Variants in GGNBP2 observed in about 807,000 individuals in gnomAD.
GGNBP2 encodes gametogenetin-binding protein 2.
In GGNBP2, 10 loss-of-function variants were observed where a neutral mutation model predicts 85.9. The observed-to-expected ratio is 0.12, with a 90% CI of 0.07 to 0.20. The LOEUF is 0.20. Among genes scored for constraint, GGNBP2 ranks in the 10% least tolerant of loss-of-function variants. The probability of loss-of-function intolerance (pLI) is 1.00; values close to 1 mark genes in which losing one functional copy is unlikely to be tolerated. For synonymous variants in GGNBP2, 287 were observed against 285.7 expected, an observed-to-expected ratio of 1.00 and a Z score of -0.05; for missense variants, 595 against 857.8, an observed-to-expected ratio of 0.69 and a Z score of 3.83.
intron 5 of GGNBP2, among the ~76,000 whole-genome samples, chr17:36,566,085 G>C (rs1204622128): frequency 6.6e-6 from 1 of 152,176 alleles, no homozygotes; most frequent in Non-Finnish European, 1.5e-5. Context: ...TAGCTACATA[G>C]AGTAAGTTAA....
At chr17:36,554,727 C>G in intron 2 of GGNBP2, 93 bp from the exon 3 acceptor site, 2 of 856,232 alleles carry the variant, frequency 2.3e-6, no homozygotes, top group Non-Finnish European at 4.0e-6. Context: ...GGGTGCAAAT[C>G]TGGCTTTCAC....
intron 8 of GGNBP2, among the ~76,000 whole-genome samples, chr17:36,580,628 C>G (rs2074638739): frequency 1.3e-5 from 2 of 151,888 alleles, no homozygotes. Context: ...TGTTAAAATT[C>G]TGAAATTTAG....
chr17:36,573,841 G>A (rs146967541), intron 6 of GGNBP2, among the ~76,000 whole-genome samples: 7 of 152,106 alleles, frequency 4.6e-5, no homozygotes, highest in Non-Finnish European at 7.4e-5. Flanking sequence ...GAGAAATGTC[G>A]ATTCATGCTT....
chr17:36,569,967 G>A (rs1252787515), intron 6 of GGNBP2, among the ~76,000 whole-genome samples: 1 of 152,222 alleles, frequency 6.6e-6, no homozygotes, highest in Admixed American at 6.5e-5. Flanking sequence ...ATGGTTGAGA[G>A]TAATAATAAT....
intron 4 of GGNBP2, 78 bp from the exon 5 acceptor site, chr17:36,560,695 C>T: frequency 2.4e-6 from 2 of 839,806 alleles, no homozygotes; most frequent in South Asian, 1.9e-5. Flanking sequence ...AGACTTCTCT[C>T]TAAAAGACAG....
intron 2 of GGNBP2, among the ~76,000 whole-genome samples, chr17:36,548,254 T>C (rs1048383516): frequency 9.2e-5 from 14 of 152,348 alleles, no homozygotes; most frequent in African/African-American, 2.9e-4. Context: ...GCTGAAACTT[T>C]ACCCTTAGTT....
intron 6 of GGNBP2, chr17:36,574,713 G>A: frequency 4.7e-6 from 3 of 635,236 alleles, no homozygotes; most frequent in East Asian, 2.7e-5. Flanking sequence ...AGCTTCTTGG[G>A]TACAGGCACT....
intron 6 of GGNBP2, chr17:36,576,581 AAAAATAT>A (rs2074587122): frequency 3.7e-5 from 1 of 27,070 alleles, no homozygotes; most frequent in African/African-American, 1.0e-4. Flanking sequence ...AAAAAAAAAA[AAAAATAT>A]ATATATATGT....
At chr17:36,567,226 G>C (rs989435639) in intron 5 of GGNBP2, among the ~76,000 whole-genome samples, 1 of 151,938 alleles carries the variant, frequency 6.6e-6, no homozygotes, top group Non-Finnish European at 1.5e-5. Flanking sequence ...TTGTTAAATT[G>C]TATCAGATAA....
intron 8 of GGNBP2, 77 bp downstream of exon 8, chr17:36,579,496 G>T: frequency 8.1e-7 from 1 of 1,230,398 alleles, no homozygotes; most frequent in South Asian, 1.3e-5. Context: ...TAAGCCACCA[G>T]TGCCTAAAAG....
At chr17:36,566,231 T>C (rs1161375665) in intron 5 of GGNBP2, among the ~76,000 whole-genome samples, 1 of 152,136 alleles carries the variant, frequency 6.6e-6, no homozygotes, top group African/African-American at 2.4e-5. Context: ...TTGAATGGAG[T>C]GTAAACCCAC....
In GGNBP2 at chr17:36,560,878, A is replaced by C. The variant is rs898816969; in HGVS notation, c.527+7A>C. ...ACAAGCCAAAACCTTTGGGGTAAGT[A>C]GAATTGAATACCAAGAGGCTTTGTC... On this transcript the variant is annotated splice_region_variant and intron_variant, in intron 5 of 13. Transcript: ENST00000613102. 2 of 1,382,942 alleles carry C rather than the reference A, an allele frequency of 1.4e-6. No homozygotes were observed. The highest frequency in any genetic ancestry group is 3.6e-4 in the Middle Eastern group (2 of 5,500). The allele number at this position is 1,382,942 out of a possible 1,614,324, so 85.7% of individuals were successfully genotyped here. A position where few individuals can be genotyped will look rare whatever the true frequency, so the allele number is the denominator to read the frequency against.
rs768651705 is a variant in GGNBP2 at position 36,587,076 on chromosome 17, G to A, written c.1721G>A (p.Arg574His). Residue 574 changes from arginine to histidine, a missense_variant, in exon 13 of 14, where the codon CGT becomes CAT. Transcript: ENST00000613102. ...AATACCATGCACACAGTGTTTCACC[G>A]TGACAAGACCAAAGATACACATCCT... ...SGNTMHTVFH[R>H]DKTKDTHPES... The A allele has an allele frequency of 2.3e-5, 37 of 1,614,066 alleles. No homozygotes were observed. The highest frequency in any genetic ancestry group is 2.0e-4 in the African/African-American group (15 of 75,006).
In GGNBP2 at chr17:36,587,120, G is replaced by C. The variant is rs1440776934; in HGVS notation, c.1765G>C (p.Glu589Gln). ...DTHPESCCSS[E>Q]KGGQPLPWFE... ...ACATCCTGAAAGCTGTTGCAGCTCT[G>C]AAAAGGGTGGGCAGCCATTGCCTTG... Residue 589 changes from glutamate to glutamine, a missense_variant, in exon 13 of 14, where the codon GAA becomes CAA. Glu to Gln is a conservative substitution (Grantham distance 29). Around this residue, in one of 9 missense-constraint regions of GGNBP2, gnomAD observed 120 missense variants for 126.3 expected, o/e 0.95. Transcript: ENST00000613102. 2 of 1,613,966 alleles carry C rather than the reference G, an allele frequency of 1.2e-6. No homozygotes were observed. Among genetic ancestry groups the C allele is most frequent in the Non-Finnish European group, 1.7e-6 (2 of 1,180,024 alleles).
chr17:36,565,056 T>C (rs1044603429), intron 5 of GGNBP2, among the ~76,000 whole-genome samples: 4 of 152,118 alleles, frequency 2.6e-5, no homozygotes, highest in Middle Eastern at 3.4e-3. Context: ...GAAAAGAAAT[T>C]AGTAAAGAAA....
chr17:36,589,781 G>A lies in GGNBP2; in HGVS notation c.*370G>A. The A allele has an allele frequency of 4.8e-6, 1 of 208,086 alleles. No individual in the cohort carries two copies. Among genetic ancestry groups the A allele is most frequent in the Non-Finnish European group, 9.6e-6 (1 of 103,956 alleles). 12.9% of individuals were successfully genotyped at this position (208,086 alleles called of 1,614,324 possible). A position where few individuals can be genotyped will look rare whatever the true frequency, so the allele number is the denominator to read the frequency against. On this transcript the variant is annotated 3_prime_UTR_variant, in exon 14 of 14. Coordinates refer to ENST00000613102, the MANE Select transcript of GGNBP2 (RefSeq NM_024835.5). ...GTAGACATCCACTTGCAAAATGTTT[G>A]GATGTAATGTTAAAGCGCAATGTGC...
chr17:36,558,414 CA>C (rs755597241), intron 4 of GGNBP2, among the ~76,000 whole-genome samples: 1,836 of 19,004 alleles, frequency 0.097, 4 homozygotes, highest in African/African-American at 0.15. Context: ...AGCTCCATCT[CA>C]AAAAAAAAAA....
chr17:36,575,872 C>T (rs944731536), intron 6 of GGNBP2, among the ~76,000 whole-genome samples: 3 of 149,718 alleles, frequency 2.0e-5, no homozygotes, highest in African/African-American at 7.4e-5. Context: ...ATCTCGAACT[C>T]CTGAGCTCAG....
In GGNBP2 at chr17:36,589,482, CTT is replaced by C; in HGVS notation, c.*72_*73del. On this transcript the variant is annotated 3_prime_UTR_variant, in exon 14 of 14. Coordinates refer to ENST00000613102, the MANE Select transcript of GGNBP2 (RefSeq NM_024835.5). ...ACTGCGCCTTCTCTTTCGAAAAACT[CTT>C]AATTTAGTGACTTATGGCAAAATTT... 1 of 1,264,928 alleles carries C rather than the reference CTT, an allele frequency of 7.9e-7. No individual in the cohort carries two copies. The highest frequency in any genetic ancestry group is 1.1e-6 in the Non-Finnish European group (1 of 890,154). 78.4% of individuals were successfully genotyped at this position (1,264,928 alleles called of 1,614,324 possible).
Sources: gnomAD v4.1 joint callset for allele counts (sites outside exome capture counted in the v4.1 genomes callset) on GRCh38, gnomAD v4.1.1 for gene constraint, gnomAD v4.1.1 regional missense constraint, MANE v1.5 for transcripts, NCBI Gene and HGNC (gene_info 2026-07-23, HGNC 2026-07-21) for gene names.